The following SGCZ variants were observed in gnomAD, a reference collection of about 807,000 sequenced individuals.
SGCZ encodes sarcoglycan zeta, also known as zeta-sarcoglycan.
In SGCZ, 40 loss-of-function variants were observed where a neutral mutation model predicts 41.3. The observed-to-expected ratio is 0.97, with a 90% CI of 0.75 to 1.26. The LOEUF is 1.26. Ranked by LOEUF, SGCZ falls within the 50% of genes most tolerant of loss-of-function variation. The probability of loss-of-function intolerance (pLI) is 0.00; values close to 1 mark genes in which losing one functional copy is unlikely to be tolerated. For missense variants in SGCZ, 552 were observed against 369.8 expected, an observed-to-expected ratio of 1.49 and a Z score of -4.04; for synonymous variants, 206 against 137.5, an observed-to-expected ratio of 1.50 and a Z score of -3.49.
chr8:14,208,861 T>C (rs1002041376), intron 4 of SGCZ, among the ~76,000 whole-genome samples: 2 of 152,200 alleles, frequency 1.3e-5, no homozygotes, highest in East Asian at 1.9e-4. Flanking sequence ...ATTAGGCAGA[T>C]AGCGAGGGTG....
intron 2 of SGCZ, among the ~76,000 whole-genome samples, chr8:14,325,102 A>C (rs941292097): frequency 1.3e-5 from 2 of 152,166 alleles, no homozygotes; most frequent in African/African-American, 2.4e-5. Context: ...TCAGATTCCA[A>C]AAGAAGACAC....
chr8:14,320,231 A>C (rs1051303896), intron 3 of SGCZ, among the ~76,000 whole-genome samples: 1 of 151,710 alleles, frequency 6.6e-6, no homozygotes, highest in African/African-American at 2.4e-5. Flanking sequence ...ATATAATATG[A>C]TAATGATAAC....
chr8:14,727,419 G>T (rs1338449258), intron 1 of SGCZ, among the ~76,000 whole-genome samples: 1 of 151,960 alleles, frequency 6.6e-6, no homozygotes, highest in Non-Finnish European at 1.5e-5. Context: ...AAACTGCTTG[G>T]CAATATCTTA....
intron 1 of SGCZ, among the ~76,000 whole-genome samples, chr8:15,219,969 C>T (rs372151015): frequency 6.6e-6 from 1 of 152,166 alleles, no homozygotes; most frequent in Non-Finnish European, 1.5e-5. Context: ...AAAGCAGATA[C>T]TCATTTGTTA....
intron 1 of SGCZ, among the ~76,000 whole-genome samples, chr8:14,560,553 G>C (rs1363730930): frequency 6.6e-6 from 1 of 151,936 alleles, no homozygotes; most frequent in Non-Finnish European, 1.5e-5. Flanking sequence ...AAAATTCCAA[G>C]TTAAGTGCTA....
chr8:15,075,305 G>A (rs559923966), intron 1 of SGCZ, among the ~76,000 whole-genome samples: 1 of 151,976 alleles, frequency 6.6e-6, no homozygotes, highest in East Asian at 1.9e-4. Context: ...GATTTAGAGT[G>A]AATCTAAATA....
chr8:14,945,669 A>T (rs1438344248), intron 1 of SGCZ, among the ~76,000 whole-genome samples: 1 of 151,840 alleles, frequency 6.6e-6, no homozygotes, highest in African/African-American at 2.4e-5. Context: ...TCTACAATCA[A>T]TGTGGGCAGG....
At chr8:14,168,500 A>C (rs1445108397) in intron 4 of SGCZ, among the ~76,000 whole-genome samples, 1 of 152,002 alleles carries the variant, frequency 6.6e-6, no homozygotes, top group African/African-American at 2.4e-5. Context: ...AAGTCTCATG[A>C]GATCTGATGG....
At chr8:14,580,872 G>T (rs951901552) in intron 1 of SGCZ, among the ~76,000 whole-genome samples, 2 of 152,114 alleles carry the variant, frequency 1.3e-5, no homozygotes, top group East Asian at 1.9e-4. Context: ...GAAACATCAT[G>T]GTTGATTAGG....
chr8:14,325,667 T>G (rs1802069665), intron 2 of SGCZ, among the ~76,000 whole-genome samples: 1 of 141,976 alleles, frequency 7.0e-6, no homozygotes, highest in Admixed American at 7.2e-5. Flanking sequence ...ATAATCATAT[T>G]TTAATTATAG....
intron 1 of SGCZ, among the ~76,000 whole-genome samples, chr8:14,707,379 G>A (rs1809367369): frequency 6.6e-6 from 1 of 151,998 alleles, no homozygotes; most frequent in African/African-American, 2.4e-5. Context: ...AATGGAAAAT[G>A]TTTTAGAAAC....
chr8:15,017,663 G>A (rs1803090229), intron 1 of SGCZ, among the ~76,000 whole-genome samples: 1 of 151,936 alleles, frequency 6.6e-6, no homozygotes, highest in South Asian at 2.1e-4. Flanking sequence ...ACATCATCAT[G>A]CCCAGCTAGT....
chr8:14,674,669 A>T (rs1808212752), intron 1 of SGCZ, among the ~76,000 whole-genome samples: 1 of 152,074 alleles, frequency 6.6e-6, no homozygotes, highest in Admixed American at 6.6e-5. Context: ...ATTGTGGATC[A>T]TGGGGGTGGA....
chr8:14,092,782 C>G (rs1209109347), intron 7 of SGCZ, among the ~76,000 whole-genome samples: 3 of 152,000 alleles, frequency 2.0e-5, no homozygotes, highest in Admixed American at 6.6e-5. Context: ...CATTAATTGT[C>G]TTTTTCTTTA....
intron 2 of SGCZ, among the ~76,000 whole-genome samples, chr8:14,384,172 G>A (rs1361960319): frequency 6.6e-6 from 1 of 151,872 alleles, no homozygotes; most frequent in East Asian, 1.9e-4. Flanking sequence ...GTGTCCATGT[G>A]TTCTCATTGT....
intron 1 of SGCZ, among the ~76,000 whole-genome samples, chr8:15,166,036 A>G (rs1799654487): frequency 6.6e-6 from 1 of 152,174 alleles, no homozygotes; most frequent in Admixed American, 6.5e-5. Flanking sequence ...TCTGGATTCT[A>G]TTTCATAATA....
At chr8:14,687,192 T>A (rs1020908631) in intron 1 of SGCZ, among the ~76,000 whole-genome samples, 7 of 142,912 alleles carry the variant, frequency 4.9e-5, no homozygotes, top group African/African-American at 1.2e-4. Context: ...ATATATATAT[T>A]TTAATTTTAT....
chr8:15,207,062 A>G (rs1041737359), intron 1 of SGCZ, among the ~76,000 whole-genome samples: 2 of 152,224 alleles, frequency 1.3e-5, no homozygotes, highest in Non-Finnish European at 2.9e-5. Flanking sequence ...GGGCTTGAAA[A>G]GGCAGACACT....
chr8:14,159,397 G>C (rs74805208), intron 5 of SGCZ, among the ~76,000 whole-genome samples: 1,724 of 152,172 alleles, frequency 0.011, 33 homozygotes, highest in African/African-American at 0.039. Flanking sequence ...ATCATGAAGA[G>C]GACCGTTGGT....
Sources: gnomAD v4.1 joint callset for allele counts (sites outside exome capture counted in the v4.1 genomes callset) on GRCh38, gnomAD v4.1.1 for gene constraint, MANE v1.5 for transcripts, NCBI Gene and HGNC (gene_info 2026-07-23, HGNC 2026-07-21) for gene names.